The following MCTP1 variants were observed in gnomAD, a reference collection of about 807,000 sequenced individuals.
MCTP1 encodes multiple C2 and transmembrane domain containing 1, also known as multiple C2 and transmembrane domain-containing protein 1.
A neutral mutation model predicts 120.6 loss-of-function variants in MCTP1; 69 were observed. The ratio of observed to expected loss-of-function variants is 0.57; its 90% CI spans 0.47 to 0.70. MCTP1 has a LOEUF of 0.70. Among genes scored for constraint, MCTP1 ranks in the 30% least tolerant of loss-of-function variants. MCTP1 has a pLI of 0.00. For synonymous variants in MCTP1, 529 were observed against 493.1 expected (o/e 1.07, Z -0.96); for missense variants, 1,203 against 1,248.8 (o/e 0.96, Z 0.55).
intron 1 of MCTP1, among the ~76,000 whole-genome samples, chr5:95,078,490 T>C (rs2152303265): frequency 6.6e-6 from 1 of 152,342 alleles, no homozygotes; most frequent in Middle Eastern, 3.4e-3. Flanking sequence ...TTTGCGTTAA[T>C]AAAAGCCCCC....
Position 94,909,343 on chromosome 5 carries a change from T to C in MCTP1, c.1560A>G (p.Gln520=). The change falls in exon 10 of 23, where the codon CAA becomes CAG. Residue 520 remains glutamine (Q), a synonymous_variant. Transcript: ENST00000515393. ...PKTLNPQWRE[Q]FDFHLYEERG... ...TTTCTTCATAAAGGTGAAAATCAAA[T>C]TGTTCCCTCCACTGAGGATTCAACG... 6.2e-7 allele frequency: 1 copy of C among 1,609,250 alleles called. No homozygotes were observed. The highest frequency in any genetic ancestry group is 8.5e-7 in the Non-Finnish European group (1 of 1,178,114).
intron 1 of MCTP1, among the ~76,000 whole-genome samples, chr5:95,231,233 T>A (rs1427837921): frequency 6.6e-6 from 1 of 152,132 alleles, no homozygotes; most frequent in Admixed American, 6.5e-5. Context: ...CACACATTTA[T>A]GGTAATAAAG....
At chr5:94,843,146 T>A (rs7720044) in intron 17 of MCTP1, among the ~76,000 whole-genome samples, 6 of 151,624 alleles carry the variant, frequency 4.0e-5, no homozygotes, top group Non-Finnish European at 8.8e-5. Context: ...TTCATCGACA[T>A]TGACAATTTG....
At chr5:95,138,725 T>C (rs1759657097) in intron 1 of MCTP1, among the ~76,000 whole-genome samples, 1 of 152,198 alleles carries the variant, frequency 6.6e-6, no homozygotes, top group African/African-American at 2.4e-5. Flanking sequence ...CACATCCCTC[T>C]CTGGATTCCT....
chr5:94,854,191 C>G (rs568031788), intron 17 of MCTP1, among the ~76,000 whole-genome samples: 28 of 151,654 alleles, frequency 1.8e-4, no homozygotes, highest in Non-Finnish European at 2.4e-4. Flanking sequence ...ATGAAATAAA[C>G]AAAAGAAAGG....
At chr5:94,826,331 C>T in intron 17 of MCTP1, 2 of 545,004 alleles carry the variant, frequency 3.7e-6, no homozygotes, top group Non-Finnish European at 6.7e-6. Context: ...TTGAGCTTCA[C>T]AAAGGTTCCA....
At chr5:94,758,389 T>G (rs1770469026) in intron 19 of MCTP1, among the ~76,000 whole-genome samples, 1 of 152,134 alleles carries the variant, frequency 6.6e-6, no homozygotes, top group Non-Finnish European at 1.5e-5. Context: ...AAGGCTGCAG[T>G]GAGCTATGAT....
chr5:95,229,655 C>T (rs1434991720), intron 1 of MCTP1, among the ~76,000 whole-genome samples: 1 of 151,696 alleles, frequency 6.6e-6, no homozygotes, highest in East Asian at 1.9e-4. Context: ...GCAGGAGAAT[C>T]GCTTCAACCT....
At chr5:94,980,796 TA>T (rs532412733) in intron 2 of MCTP1, 1 of 152,146 alleles carries the variant, frequency 6.6e-6, no homozygotes, top group African/African-American at 2.4e-5. Flanking sequence ...GATGAGCAAC[TA>T]AAAGTTTTTT....
In MCTP1 at chr5:94,832,713, C is replaced by T. The variant is rs1788827363; in HGVS notation, c.2437-33581G>A. 3.3e-5 allele frequency among the ~76,000 whole-genome samples: 5 copies of T among 152,094 alleles called. No homozygotes were observed. The South Asian group carries it at 1.0e-3, about 32-fold the overall frequency. ...TGGTTGTGAGCACTACCTTAAATTC[C>T]AGCTGCCCTGTTGGCTCCTGTACTT... On this transcript the variant is annotated intron_variant, in intron 17 of 22. Transcript: ENST00000515393.
At position 94,929,549 on chromosome 5, in the gene MCTP1, G is replaced by A. The variant is rs530745436; in HGVS notation, c.1212+2404C>T. On this transcript the variant is annotated intron_variant, in intron 6 of 22. Transcript: ENST00000515393. Reference sequence around the variant, plus strand: ...TCAGACAAGAATTTTTAAGAAGATTGAAATATTTAGAAAATGATGCATTTT... The same window carrying A: ...TCAGACAAGAATTTTTAAGAAGATTAAAATATTTAGAAAATGATGCATTTT... 12 of 692,290 alleles carry A rather than the reference G, an allele frequency of 1.7e-5. No homozygotes were observed. The African/African-American group carries it at 1.8e-4, about 10-fold the overall frequency. The allele number at this position is 692,290 out of a possible 1,614,324, so 42.9% of individuals were successfully genotyped here. A position where few individuals can be genotyped will look rare whatever the true frequency, so the allele number is the denominator to read the frequency against.
intron 1 of MCTP1, among the ~76,000 whole-genome samples, chr5:95,041,807 T>C (rs1842410561): frequency 6.6e-6 from 1 of 152,224 alleles, no homozygotes; most frequent in Non-Finnish European, 1.5e-5. Context: ...CCCAAGGAAG[T>C]AGCATATTTT....
chr5:94,865,657 T>C (rs1053512990), intron 17 of MCTP1, among the ~76,000 whole-genome samples: 6 of 151,932 alleles, frequency 3.9e-5, no homozygotes, highest in African/African-American at 1.4e-4. Flanking sequence ...TTTTTAAATA[T>C]ATAACTTAAT....
At chr5:94,780,814 A>G (rs998111451) in intron 18 of MCTP1, among the ~76,000 whole-genome samples, 1 of 152,134 alleles carries the variant, frequency 6.6e-6, no homozygotes, top group Non-Finnish European at 1.5e-5. Flanking sequence ...CTTTACTCCT[A>G]TCAGCCCTCA....
chr5:94,808,650 A>C (rs139706307), intron 17 of MCTP1, among the ~76,000 whole-genome samples: 6 of 152,294 alleles, frequency 3.9e-5, no homozygotes, highest in Non-Finnish European at 8.8e-5. Context: ...TCTTATGTGT[A>C]GAGGAAAAAA....
rs1387068330 is a variant in MCTP1, at chr5:95,077,536, A to G, written c.721-60052T>C. Among the ~76,000 whole-genome samples, 3 of 151,650 alleles carry G rather than the reference A, an allele frequency of 2.0e-5. No individual in the cohort carries two copies. The East Asian group carries it at 5.8e-4, about 29-fold the overall frequency. On this transcript the variant is annotated intron_variant, in intron 1 of 22. Coordinates refer to ENST00000515393, the MANE Select transcript of MCTP1 (RefSeq NM_024717.7). ...CGCCCAGGCTGGAGTGCAGTGGCGC[A>G]ATCTCGGCTCACTGCAAGCTCCACT...
At chr5:95,051,369 A>G (rs1389386757) in intron 1 of MCTP1, among the ~76,000 whole-genome samples, 2 of 152,078 alleles carry the variant, frequency 1.3e-5, no homozygotes, top group African/African-American at 4.8e-5. Flanking sequence ...AATCATTAAG[A>G]CACTACAGAC....
At chr5:95,104,779 C>T (rs760828566) in intron 1 of MCTP1, among the ~76,000 whole-genome samples, 3 of 152,110 alleles carry the variant, frequency 2.0e-5, no homozygotes, top group Non-Finnish European at 4.4e-5. Context: ...GTTTTCAGCA[C>T]TTATCAAATT....
At chr5:95,032,037 C>A (rs964330538) in intron 1 of MCTP1, among the ~76,000 whole-genome samples, 2 of 152,102 alleles carry the variant, frequency 1.3e-5, no homozygotes, top group African/African-American at 4.8e-5. Context: ...AACAAGAAGA[C>A]TTACCTATCC....
Sources: gnomAD v4.1 joint callset for allele counts (sites outside exome capture counted in the v4.1 genomes callset) on GRCh38, gnomAD v4.1.1 for gene constraint, MANE v1.5 for transcripts, NCBI Gene and HGNC (gene_info 2026-07-23, HGNC 2026-07-21) for gene names.